The following FBXL17 variants were observed in gnomAD, a reference collection of about 807,000 sequenced individuals.
FBXL17 encodes the protein F-box/LRR-repeat protein 17.
In FBXL17, 22 loss-of-function variants were observed where a neutral mutation model predicts 66.2. That is an observed-to-expected ratio of 0.33 (90% confidence interval 0.24 to 0.47). The LOEUF is 0.47. Ranked by LOEUF, FBXL17 falls within the 20% of genes least tolerant of loss-of-function variation. The pLI, the probability that FBXL17 is intolerant of heterozygous loss-of-function variation, is 1.00. For synonymous variants in FBXL17, 474 were observed against 400.5 expected, an observed-to-expected ratio of 1.18 and a Z score of -2.19; for missense variants, 878 against 948.2, an observed-to-expected ratio of 0.93 and a Z score of 0.97.
chr5:108,301,975 C>A (rs1265666773), intron 4 of FBXL17: 1 of 970,962 alleles, frequency 1.0e-6, no homozygotes, highest in Non-Finnish European at 1.2e-6. Flanking sequence ...TTTAAGAATA[C>A]CTCCTAGTAG....
chr5:108,211,995 G>C (rs938648247), intron 5 of FBXL17, among the ~76,000 whole-genome samples: 1 of 152,086 alleles, frequency 6.6e-6, no homozygotes, highest in Non-Finnish European at 1.5e-5. Context: ...TTTTCACACA[G>C]TCCCATATTT....
chr5:108,112,582 G>T (rs913128467), intron 6 of FBXL17, among the ~76,000 whole-genome samples: 10 of 152,066 alleles, frequency 6.6e-5, no homozygotes, highest in Non-Finnish European at 1.3e-4. Flanking sequence ...GGCATGAAAA[G>T]AAACAGGAAA....
intron 6 of FBXL17, among the ~76,000 whole-genome samples, chr5:108,108,813 C>G (rs1222297183): frequency 1.5e-5 from 2 of 135,184 alleles, no homozygotes; most frequent in Non-Finnish European, 3.1e-5. Flanking sequence ...GACAGAGTTT[C>G]GCTCTTGTTG....
intron 4 of FBXL17, among the ~76,000 whole-genome samples, chr5:108,344,601 C>T (rs908741927): frequency 6.6e-6 from 1 of 152,080 alleles, no homozygotes; most frequent in Non-Finnish European, 1.5e-5. Context: ...CATAAAATTC[C>T]AGTAGTTTAA....
intron 3 of FBXL17, among the ~76,000 whole-genome samples, chr5:108,363,883 T>A (rs1031974217): frequency 1.8e-4 from 27 of 152,030 alleles, no homozygotes; most frequent in African/African-American, 6.5e-4. Flanking sequence ...AATATATATT[T>A]CTTCATAAAA....
chr5:107,870,245 A>T (rs982279181), intron 8 of FBXL17, among the ~76,000 whole-genome samples: 1 of 152,186 alleles, frequency 6.6e-6, no homozygotes, highest in African/African-American at 2.4e-5. Context: ...TGAACTAAGC[A>T]CCTGCCCACT....
chr5:108,252,467 T>C (rs1356184935), intron 4 of FBXL17, among the ~76,000 whole-genome samples: 1 of 152,098 alleles, frequency 6.6e-6, no homozygotes, highest in Non-Finnish European at 1.5e-5. Context: ...AAAAAGAAAC[T>C]AATTCTGAAA....
At position 107,914,353 on chromosome 5, in the gene FBXL17, G is replaced by A. The variant is rs117031661; in HGVS notation, c.1823-33174C>T. Among the ~76,000 whole-genome samples, 96 of 152,292 alleles carry A rather than the reference G, an allele frequency of 6.3e-4. 1 individual carries two copies. In the East Asian group the frequency reaches 0.01, roughly 16 times the overall value. Reference sequence around the variant, plus strand: ...ACCCAAATTATGAGTTCTCTCTGCTGAAAGGTAAAGGGGATGATGGGCAGG... The same window carrying A: ...ACCCAAATTATGAGTTCTCTCTGCTAAAAGGTAAAGGGGATGATGGGCAGG... On this transcript the variant is annotated intron_variant, in intron 7 of 8. Transcript: ENST00000542267.
chr5:108,257,152 T>C lies in FBXL17; in HGVS notation c.1507-32924A>G, dbSNP rs1438284879. ...ACTGATTAGCTATCACTTAAAAGTA[T>C]TAAATTATTTTAATGTGACGTAATG... On this transcript the variant is annotated intron_variant, in intron 4 of 8. Coordinates refer to ENST00000542267, the MANE Select transcript of FBXL17 (RefSeq NM_001163315.3). 4.6e-5 allele frequency among the ~76,000 whole-genome samples: 7 copies of C among 152,280 alleles called. No homozygotes were observed. The East Asian group carries it at 1.2e-3, about 25-fold the overall frequency.
chr5:108,355,094 AAAG>A (rs1265540481), intron 3 of FBXL17, among the ~76,000 whole-genome samples: 1 of 152,084 alleles, frequency 6.6e-6, no homozygotes, highest in African/African-American at 2.4e-5. Flanking sequence ...TGCATCAGAG[AAAG>A]AATAATGAAG....
intron 6 of FBXL17, among the ~76,000 whole-genome samples, chr5:108,077,048 G>A (rs941324248): frequency 2.6e-5 from 4 of 152,042 alleles, no homozygotes; most frequent in African/African-American, 9.7e-5. Context: ...ACAGGTCCAG[G>A]AACCTCAAGT....
chr5:108,004,793 G>A (rs1344191145), intron 7 of FBXL17, among the ~76,000 whole-genome samples: 1 of 151,966 alleles, frequency 6.6e-6, no homozygotes, highest in African/African-American at 2.4e-5. Context: ...TCATAATCTC[G>A]GAACCAATAA....
intron 7 of FBXL17, among the ~76,000 whole-genome samples, chr5:107,916,639 A>G (rs1467191754): frequency 6.6e-6 from 1 of 152,238 alleles, no homozygotes; most frequent in East Asian, 1.9e-4. Context: ...TCCAGAGCAC[A>G]GGCTATACAA....
At chr5:108,281,753 T>C (rs772612086) in intron 4 of FBXL17, among the ~76,000 whole-genome samples, 10 of 151,670 alleles carry the variant, frequency 6.6e-5, no homozygotes, top group Non-Finnish European at 1.3e-4. Context: ...AGTTGGTTTT[T>C]CAAAAAGACA....
chr5:107,861,446 ATT>A lies in FBXL17; in HGVS notation c.*272_*273del, dbSNP rs3217379. The A allele has an allele frequency of 2.2e-5, 5 of 228,866 alleles. No homozygotes were observed. The highest frequency in any genetic ancestry group is 1.8e-4 in the South Asian group (1 of 5,520). The allele number at this position is 228,866 out of a possible 1,614,324, so 14.2% of individuals were successfully genotyped here. On this transcript the variant is annotated 3_prime_UTR_variant, in exon 9 of 9. Coordinates refer to ENST00000542267, the MANE Select transcript of FBXL17 (RefSeq NM_001163315.3). The stretch of plus-strand genomic sequence containing the variant: ...ATTTTTTGACTCTATATTAAAAATA[ATT>A]TTTTTTTAAAGAGAAAGAAGCCTTT...
intron 4 of FBXL17, among the ~76,000 whole-genome samples, chr5:108,278,551 G>C (rs1757574651): frequency 6.6e-6 from 1 of 152,344 alleles, no homozygotes; most frequent in East Asian, 1.9e-4. Flanking sequence ...ACAGAGGCTT[G>C]ATCTTGAGCT....
intron 7 of FBXL17, among the ~76,000 whole-genome samples, chr5:107,956,294 T>G (rs1471392597): frequency 6.6e-6 from 1 of 152,246 alleles, no homozygotes; most frequent in Non-Finnish European, 1.5e-5. Flanking sequence ...CTGAGATCTC[T>G]GCGGGTATGT....
intron 2 of FBXL17, 146 bp downstream of exon 2, chr5:108,367,685 C>T: frequency 3.4e-6 from 2 of 586,450 alleles, no homozygotes; most frequent in Admixed American, 4.2e-5. Flanking sequence ...AAATCACATA[C>T]ACAAAAAACT....
chr5:108,117,127 G>A (rs1334216859), intron 6 of FBXL17, among the ~76,000 whole-genome samples: 1 of 152,172 alleles, frequency 6.6e-6, no homozygotes. Context: ...CTTAAGGACA[G>A]TTTGATTGAC....
Sources: allele counts gnomAD v4.1 joint callset (sites outside exome capture counted in the v4.1 genomes callset), GRCh38; gene constraint gnomAD v4.1.1; transcripts MANE v1.5; gene names NCBI Gene and HGNC (gene_info 2026-07-23, HGNC 2026-07-21).